The following NPSR1 variants were observed in gnomAD, a reference collection of about 807,000 sequenced individuals.
NPSR1 encodes neuropeptide S receptor.
A neutral mutation model predicts 46.9 loss-of-function variants in NPSR1; 48 were observed. That is an observed-to-expected ratio of 1.02 (90% CI 0.81 to 1.30). The LOEUF is 1.30. NPSR1 is among the 50% of genes most tolerant of loss of function. The probability of loss-of-function intolerance (pLI) is 0.00; values close to 1 mark genes in which losing one functional copy is unlikely to be tolerated. For missense variants in NPSR1, 450 were observed against 449.5 expected (o/e 1.00, Z -0.01); for synonymous variants, 176 against 168.1 (o/e 1.05, Z -0.36).
intron 2 of NPSR1, chr7:34,751,214 G>T (rs1447708788): frequency 5.4e-6 from 6 of 1,120,218 alleles, no homozygotes; most frequent in Admixed American, 1.7e-5. Flanking sequence ...TGGATGGCCA[G>T]ATCCCCAGTG....
chr7:34,791,070 T>A (rs1422151070), intron 3 of NPSR1, among the ~76,000 whole-genome samples: 1 of 118,060 alleles, frequency 8.5e-6, no homozygotes, highest in Non-Finnish European at 1.6e-5. Context: ...ATATATTATA[T>A]TATATATGTT....
intron 2 of NPSR1, among the ~76,000 whole-genome samples, chr7:34,742,293 A>G (rs558659765): frequency 1.2e-4 from 18 of 152,028 alleles, no homozygotes; most frequent in African/African-American, 4.3e-4. Context: ...CCCAATAGTT[A>G]TCTTTTCTGC....
At chr7:34,662,601 C>T (rs537570264) in intron 1 of NPSR1, among the ~76,000 whole-genome samples, 1 of 152,144 alleles carries the variant, frequency 6.6e-6, no homozygotes, top group Non-Finnish European at 1.5e-5. Flanking sequence ...TAGTCTCGCT[C>T]AGTATGTTCA....
chr7:34,753,609 G>C (rs927392894), intron 2 of NPSR1: 3 of 152,196 alleles, frequency 2.0e-5, no homozygotes, highest in Non-Finnish European at 4.4e-5. Flanking sequence ...GCATGAACCA[G>C]CCCAAGTTGG....
intron 2 of NPSR1, among the ~76,000 whole-genome samples, chr7:34,734,134 G>A (rs902037874): frequency 1.3e-5 from 2 of 152,212 alleles, no homozygotes; most frequent in African/African-American, 2.4e-5. Context: ...CTGAAAAGAT[G>A]ATGAAGATCT....
Position 34,658,477 on chromosome 7 carries a change from C to T in NPSR1, c.65C>T (p.Ser22Phe), listed in dbSNP as rs761714609. Reference sequence around the variant, plus strand: ...GGGACCGGGCAGACGCTGGATTCTTCCCCAGTGGCTTGCACTGAAACAGTG... The same window carrying T: ...GGGACCGGGCAGACGCTGGATTCTTTCCCAGTGGCTTGCACTGAAACAGTG... ...SSGTGQTLDS[S>F]PVACTETVTF... Residue 22 changes from serine (S) to phenylalanine (F), a missense_variant, in exon 1 of 9, where the codon TCC becomes TTC. Transcript: ENST00000360581. 1 of 1,614,148 alleles carries T rather than the reference C, an allele frequency of 6.2e-7. No individual in the cohort carries two copies. Among genetic ancestry groups the T allele is most frequent in the Admixed American group, 1.7e-5 (1 of 60,024 alleles).
chr7:34,711,626 C>G (rs1040633812), intron 2 of NPSR1: 1 of 152,184 alleles, frequency 6.6e-6, no homozygotes, highest in Admixed American at 6.5e-5. Context: ...CAAACCAAGA[C>G]ATTAGTACTT....
intron 2 of NPSR1, chr7:34,752,032 C>A (rs1427209154): frequency 6.9e-6 from 5 of 728,900 alleles, no homozygotes; most frequent in Non-Finnish European, 1.2e-5. Flanking sequence ...AGCCGGTAGT[C>A]CTGTGGAAAC....
intron 2 of NPSR1, among the ~76,000 whole-genome samples, chr7:34,708,317 C>G (rs1794211108): frequency 6.6e-6 from 1 of 152,192 alleles, no homozygotes; most frequent in African/African-American, 2.4e-5. Context: ...GCCTCACTGA[C>G]ATAACTAAGT....
intron 6 of NPSR1, among the ~76,000 whole-genome samples, chr7:34,835,845 G>A (rs1215684900): frequency 6.6e-6 from 1 of 152,160 alleles, no homozygotes; most frequent in Non-Finnish European, 1.5e-5. Flanking sequence ...GAATCGCCTG[G>A]GGAGGTTTTA....
chr7:34,812,571 A>T (rs1789039859), intron 4 of NPSR1, among the ~76,000 whole-genome samples: 1 of 152,166 alleles, frequency 6.6e-6, no homozygotes, highest in Admixed American at 6.5e-5. Context: ...TAATCACAGC[A>T]AGTTTCCCTG....
chr7:34,843,377 A>C (rs1396690485), intron 6 of NPSR1, among the ~76,000 whole-genome samples: 2 of 152,210 alleles, frequency 1.3e-5, no homozygotes, highest in Non-Finnish European at 2.9e-5. Flanking sequence ...TTCCATCAGA[A>C]GCCCACTTCC....
intron 2 of NPSR1, among the ~76,000 whole-genome samples, chr7:34,746,444 A>G (rs56021702): frequency 0.11 from 16,917 of 152,212 alleles, 1,132 homozygotes; most frequent in Middle Eastern, 0.16. Flanking sequence ...TATAAATTAA[A>G]TTTTATCATA....
intron 2 of NPSR1, among the ~76,000 whole-genome samples, chr7:34,705,502 G>C (rs764324382): frequency 6.7e-6 from 1 of 148,894 alleles, no homozygotes; most frequent in Non-Finnish European, 1.5e-5. Flanking sequence ...TAGTATTTTT[G>C]ATCAATGTTT....
chr7:34,725,116 C>G (rs954298514), intron 2 of NPSR1, among the ~76,000 whole-genome samples: 5 of 151,476 alleles, frequency 3.3e-5, no homozygotes, highest in Non-Finnish European at 7.4e-5. Context: ...CACACACACA[C>G]ACACACACAG....
At chr7:34,829,715 G>A (rs1790028338) in intron 5 of NPSR1, among the ~76,000 whole-genome samples, 1 of 152,146 alleles carries the variant, frequency 6.6e-6, no homozygotes, top group South Asian at 2.1e-4. Context: ...TTTCCACCAG[G>A]ACTTCTCCTC....
chr7:34,709,731 T>G (rs1239396041), intron 2 of NPSR1, among the ~76,000 whole-genome samples: 1 of 152,184 alleles, frequency 6.6e-6, no homozygotes, highest in African/African-American at 2.4e-5. Context: ...TCCAAGAACT[T>G]AGAACAGTAG....
At chr7:34,779,146 T>A (rs1787116749) in intron 3 of NPSR1, among the ~76,000 whole-genome samples, 1 of 152,126 alleles carries the variant, frequency 6.6e-6, no homozygotes. Context: ...AATGTCAATC[T>A]GCTTCATTGT....
At chr7:34,658,949 G>A (rs1053043464) in intron 1 of NPSR1, among the ~76,000 whole-genome samples, 11 of 152,186 alleles carry the variant, frequency 7.2e-5, no homozygotes, top group Middle Eastern at 3.4e-3. Flanking sequence ...CCAGAGATGC[G>A]GAAAGCTCAC....
Sources: allele counts gnomAD v4.1 joint callset (sites outside exome capture counted in the v4.1 genomes callset), GRCh38; gene constraint gnomAD v4.1.1; transcripts MANE v1.5; gene names NCBI Gene and HGNC (gene_info 2026-07-23, HGNC 2026-07-21).